The following ADAMTS17 variants were observed in gnomAD, a reference collection of about 807,000 sequenced individuals.
The protein encoded by ADAMTS17 is A disintegrin and metalloproteinase with thrombospondin motifs 17.
ADAMTS17 carries 113 observed loss-of-function variants against 141.5 expected under a neutral mutation model. The ratio of observed to expected loss-of-function variants is 0.80; its 90% confidence interval spans 0.69 to 0.93. ADAMTS17 has a LOEUF of 0.93. Ranked by LOEUF, ADAMTS17 falls within the 40% of genes least tolerant of loss-of-function variation. The pLI is 0.00. For missense variants in ADAMTS17, 1,659 were observed against 1,517.9 expected (o/e 1.09, Z -1.54); for synonymous variants, 768 against 630.6 (o/e 1.22, Z -3.27).
At chr15:100,259,351 C>A (rs1263113623) in intron 6 of ADAMTS17, among the ~76,000 whole-genome samples, 5 of 152,224 alleles carry the variant, frequency 3.3e-5, no homozygotes, top group African/African-American at 7.2e-5. Flanking sequence ...AATGCTGCGG[C>A]ACCCAGGGTA....
At chr15:100,056,364 G>T (rs1280395642) in intron 15 of ADAMTS17, among the ~76,000 whole-genome samples, 1 of 151,750 alleles carries the variant, frequency 6.6e-6, no homozygotes, top group African/African-American at 2.4e-5. Context: ...CTTTAAGACA[G>T]CAGTCCCCAG....
rs2141636568 is a variant in ADAMTS17, at chr15:100,199,559, C to T, written c.1076-136G>A. 3.8e-6 allele frequency: 3 copies of T among 780,860 alleles called. No homozygotes were observed. In the South Asian group the frequency reaches 4.1e-5, roughly 11 times the overall value. 48.4% of individuals were successfully genotyped at this position (780,860 alleles called of 1,614,324 possible). ...AATGGTGACTATGAGCCTCAGCCCA[C>T]CTGGGAAGGGTTTGTGTATGATGCT... On this transcript the variant is annotated intron_variant, in intron 7 of 21. Coordinates refer to ENST00000268070, the MANE Select transcript of ADAMTS17 (RefSeq NM_139057.4).
intron 7 of ADAMTS17, among the ~76,000 whole-genome samples, chr15:100,222,638 C>T (rs36115934): frequency 2.1e-3 from 327 of 152,306 alleles, no homozygotes; most frequent in Non-Finnish European, 3.7e-3. Flanking sequence ...GAGGGCTGGA[C>T]TTCTCCACCG....
intron 7 of ADAMTS17, among the ~76,000 whole-genome samples, chr15:100,223,712 T>A (rs1388399377): frequency 6.6e-6 from 1 of 150,756 alleles, no homozygotes; most frequent in Non-Finnish European, 1.5e-5. Context: ...TATATATGTA[T>A]ATACATATAG....
chr15:100,206,227 C>T (rs1451508363), intron 7 of ADAMTS17, among the ~76,000 whole-genome samples: 1 of 152,200 alleles, frequency 6.6e-6, no homozygotes, highest in Non-Finnish European at 1.5e-5. Flanking sequence ...TGTCTTCTAG[C>T]ATTTGGCATT....
intron 14 of ADAMTS17, among the ~76,000 whole-genome samples, chr15:100,099,923 G>C (rs554045696): frequency 2.6e-5 from 4 of 152,322 alleles, no homozygotes; most frequent in African/African-American, 9.6e-5. Context: ...AGCTGTCTGA[G>C]TCCTGGATTC....
intron 7 of ADAMTS17, among the ~76,000 whole-genome samples, chr15:100,233,592 T>TG (rs1414126781): frequency 6.6e-6 from 1 of 151,970 alleles, no homozygotes; most frequent in Non-Finnish European, 1.5e-5. Context: ...GGGAACACAG[T>TG]GGGGGCGTGA....
chr15:100,257,843 C>G (rs150776926), intron 6 of ADAMTS17, among the ~76,000 whole-genome samples: 2 of 152,138 alleles, frequency 1.3e-5, no homozygotes, highest in African/African-American at 4.8e-5. Flanking sequence ...CAACCATCAC[C>G]GCTATCCACC....
chr15:100,173,466 G>A (rs1314288441), intron 8 of ADAMTS17, among the ~76,000 whole-genome samples: 1 of 152,112 alleles, frequency 6.6e-6, no homozygotes, highest in Non-Finnish European at 1.5e-5. Context: ...TGGTAGACAA[G>A]GCACCAAGAT....
intron 15 of ADAMTS17, among the ~76,000 whole-genome samples, chr15:100,065,729 G>C (rs2033469930): frequency 6.6e-6 from 1 of 152,134 alleles, no homozygotes; most frequent in Non-Finnish European, 1.5e-5. Flanking sequence ...TTTACTTTAA[G>C]TTCTGGGATA....
At chr15:100,337,981 G>T (rs1017504555) in intron 2 of ADAMTS17, among the ~76,000 whole-genome samples, 4 of 152,200 alleles carry the variant, frequency 2.6e-5, no homozygotes, top group Admixed American at 2.0e-4. Flanking sequence ...GCCTTCCTCA[G>T]ACACCTGAAG....
At chr15:100,191,123 A>C (rs8024243) in intron 8 of ADAMTS17, among the ~76,000 whole-genome samples, 41,628 of 152,190 alleles carry the variant, frequency 0.27, 7,017 homozygotes, top group African/African-American at 0.47. Flanking sequence ...GAATCTGGTT[A>C]TTTAGCCAAA....
At chr15:100,116,743 G>T in intron 13 of ADAMTS17, 104 bp downstream of exon 13, 3 of 1,512,072 alleles carry the variant, frequency 2.0e-6, no homozygotes, top group African/African-American at 2.7e-5. Flanking sequence ...GTGTCTTGCT[G>T]GGTTGGTTTG....
intron 3 of ADAMTS17, among the ~76,000 whole-genome samples, chr15:100,318,878 C>A (rs1437737427): frequency 6.6e-6 from 1 of 152,220 alleles, no homozygotes; most frequent in Non-Finnish European, 1.5e-5. Flanking sequence ...GCTGGACAAC[C>A]CCGCCCATGG....
At chr15:100,008,256 G>A (rs1053459878) in intron 18 of ADAMTS17, among the ~76,000 whole-genome samples, 1 of 152,102 alleles carries the variant, frequency 6.6e-6, no homozygotes, top group African/African-American at 2.4e-5. Context: ...GGGTGTGTGG[G>A]GGCCTGTGAG....
At chr15:100,180,490 T>G (rs1371677338) in intron 8 of ADAMTS17, among the ~76,000 whole-genome samples, 3 of 152,210 alleles carry the variant, frequency 2.0e-5, no homozygotes, top group African/African-American at 7.2e-5. Flanking sequence ...CAGGATAGCT[T>G]TTGCTATTTT....
intron 9 of ADAMTS17, 123 bp downstream of exon 9, chr15:100,155,057 G>A (rs2039366922): frequency 1.4e-6 from 2 of 1,455,464 alleles, no homozygotes; most frequent in Non-Finnish European, 1.9e-6. Flanking sequence ...CGCCTCCTGA[G>A]GCTAGATGCA....
intron 12 of ADAMTS17, chr15:100,126,469 T>C (rs1221692342): frequency 6.6e-6 from 1 of 152,228 alleles, no homozygotes; most frequent in Non-Finnish European, 1.5e-5. Flanking sequence ...AAGCTTGTTC[T>C]CAAGGTGATG....
chr15:100,221,666 CA>C lies in ADAMTS17; in HGVS notation c.1076-22244del, dbSNP rs574737870. The stretch of plus-strand genomic sequence containing the variant: ...AAGCCTTGGCACGTGTGCAAACTCC[CA>C]CGTCATTCTCATGGGTCTCAAGTTC... On this transcript the variant is annotated intron_variant, in intron 7 of 21. Coordinates refer to ENST00000268070, the MANE Select transcript of ADAMTS17 (RefSeq NM_139057.4). Among the ~76,000 whole-genome samples, 7 of 152,290 alleles carry C rather than the reference CA, an allele frequency of 4.6e-5. No homozygotes were observed. In the East Asian group the frequency reaches 1.2e-3, roughly 25 times the overall value.
Sources: gnomAD v4.1 joint callset for allele counts (sites outside exome capture counted in the v4.1 genomes callset) on GRCh38, gnomAD v4.1.1 for gene constraint, MANE v1.5 for transcripts, NCBI Gene and HGNC (gene_info 2026-07-23, HGNC 2026-07-21) for gene names.